HPSE: variants seen among roughly 807,000 people sequenced by gnomAD.
HPSE encodes the protein endo-glucoronidase.
In HPSE, 48 loss-of-function variants were observed where a neutral mutation model predicts 65.1. That is an observed-to-expected ratio of 0.74 (90% confidence interval 0.58 to 0.94). HPSE has a LOEUF of 0.94. HPSE is among the 40% of genes least tolerant of loss of function. The pLI is 0.00. For missense variants in HPSE, 644 were observed against 637.5 expected (o/e 1.01, Z -0.11); for synonymous variants, 243 against 260.0 (o/e 0.93, Z 0.63).
At chr4:83,329,328 T>C (rs900283833) in intron 1 of HPSE, among the ~76,000 whole-genome samples, 13 of 152,298 alleles carry the variant, frequency 8.5e-5, no homozygotes, top group South Asian at 6.2e-4. Flanking sequence ...GGCCACCCTG[T>C]AGATTCCAAA....
At position 83,302,241 on chromosome 4, in the gene HPSE, T is replaced by C. The variant is rs1188473095; in HGVS notation, c.1234A>G (p.Lys412Glu). ...PDYWLSLLFK[K>E]LVGTKVLMAS... is the part of the protein sequence containing the mutation. ...ATTAACACCTTGGTGCCCACCAATT[T>C]CTTGAACAGAAGAGATAGCCAATAA... The change falls in exon 10 of 12, where the codon AAA becomes GAA. Residue 412 changes from lysine to glutamate, a missense_variant. By Grantham distance (56) the Lys-to-Glu change is moderately conservative (BLOSUM62 1). Coordinates refer to ENST00000311412, the MANE Select transcript of HPSE (RefSeq NM_001098540.3). 1 of 1,613,628 alleles carries C rather than the reference T, an allele frequency of 6.2e-7. No individual in the cohort carries two copies. The highest frequency in any genetic ancestry group is 8.5e-7 in the Non-Finnish European group (1 of 1,179,698).
chr4:83,310,120 A>G, intron 5 of HPSE, 42 bp from the exon 6 acceptor site: 1 of 1,290,362 alleles, frequency 7.7e-7, no homozygotes, highest in Non-Finnish European at 1.1e-6. Context: ...TATAATACAT[A>G]TATATGCACA....
intron 3 of HPSE, among the ~76,000 whole-genome samples, chr4:83,318,318 T>C (rs528221624): frequency 1.1e-4 from 17 of 152,200 alleles, no homozygotes; most frequent in Admixed American, 2.0e-4. Context: ...GATAAAAATA[T>C]ATTTCATAGT....
chr4:83,302,399 G>T, intron 9 of HPSE, 131 bp from the exon 10 acceptor site: 1 of 602,290 alleles, frequency 1.7e-6, no homozygotes, highest in Non-Finnish European at 2.9e-6. Flanking sequence ...ATTTAAATAG[G>T]ATTCATCTTT....
intron 2 of HPSE, 26 bp downstream of exon 2, chr4:83,322,193 T>C (rs764509077): frequency 5.6e-6 from 9 of 1,596,316 alleles, no homozygotes; most frequent in South Asian, 5.5e-5. Context: ...AATTAAAATA[T>C]AGAGTGAATC....
intron 1 of HPSE, 31 bp downstream of exon 1, chr4:83,334,525 A>G (rs180871483): frequency 1.3e-6 from 2 of 1,549,180 alleles, no homozygotes; most frequent in African/African-American, 2.7e-5. Flanking sequence ...GAGGACAGGA[A>G]AGGGGACAGG....
At chr4:83,321,375 T>C (rs753352456) in intron 2 of HPSE, among the ~76,000 whole-genome samples, 6 of 152,236 alleles carry the variant, frequency 3.9e-5, no homozygotes, top group Non-Finnish European at 7.3e-5. Context: ...GGAAAAGATA[T>C]AATATATGAA....
chr4:83,305,854 C>T (rs879292118), intron 9 of HPSE, among the ~76,000 whole-genome samples: 26 of 152,060 alleles, frequency 1.7e-4, no homozygotes, highest in Admixed American at 1.4e-3. Context: ...TGAAGCTTTG[C>T]GTACTGTAGG....
intron 3 of HPSE, among the ~76,000 whole-genome samples, chr4:83,314,331 T>G (rs953907836): frequency 3.3e-5 from 5 of 151,978 alleles, no homozygotes; most frequent in African/African-American, 1.2e-4. Context: ...AAAAATTATT[T>G]ATCTGAAATT....
At chr4:83,321,763 C>T (rs984310880) in intron 2 of HPSE, among the ~76,000 whole-genome samples, 1 of 152,174 alleles carries the variant, frequency 6.6e-6, no homozygotes, top group African/African-American at 2.4e-5. Context: ...TTGCTAAAAT[C>T]AGAATCTAAC....
chr4:83,334,289 C>T (rs1440414943), intron 1 of HPSE, among the ~76,000 whole-genome samples: 1 of 152,124 alleles, frequency 6.6e-6, no homozygotes, highest in Non-Finnish European at 1.5e-5. Flanking sequence ...GCCCAGATGC[C>T]ACCACAATGC....
intron 2 of HPSE, 133 bp from the exon 3 acceptor site, chr4:83,319,602 G>T: frequency 1.1e-6 from 1 of 876,540 alleles, no homozygotes; most frequent in Non-Finnish European, 1.7e-6. Context: ...TAGGAGAGCA[G>T]AGAAAAGGTA....
intron 1 of HPSE, among the ~76,000 whole-genome samples, chr4:83,327,876 C>T (rs537960485): frequency 6.6e-6 from 1 of 152,294 alleles, no homozygotes; most frequent in South Asian, 2.1e-4. Flanking sequence ...CAGTTTCCAG[C>T]ACAGTACTGC....
intron 3 of HPSE, 26 bp from the exon 4 acceptor site, chr4:83,313,313 T>C (rs746242211): frequency 6.4e-7 from 1 of 1,564,344 alleles, no homozygotes; most frequent in Non-Finnish European, 8.7e-7. Context: ...CACAATTTAA[T>C]GGTTAGATTG....
chr4:83,305,664 T>A (rs1436206064), intron 9 of HPSE, among the ~76,000 whole-genome samples: 1 of 152,220 alleles, frequency 6.6e-6, no homozygotes, highest in Admixed American at 6.5e-5. Flanking sequence ...GGAAGAAACA[T>A]TTCCTGATTT....
At chr4:83,296,891 T>C (rs1318369596) in intron 11 of HPSE, among the ~76,000 whole-genome samples, 1 of 152,162 alleles carries the variant, frequency 6.6e-6, no homozygotes, top group Non-Finnish European at 1.5e-5. Context: ...TTTTGATGTA[T>C]ATTCATTCTT....
rs184550022 is a variant in HPSE, at chr4:83,328,683, G to A, written c.227+5873C>T. Among the ~76,000 whole-genome samples, 656 of 152,178 alleles carry A rather than the reference G, an allele frequency of 4.3e-3. 4 individuals carry two copies. Among genetic ancestry groups the A allele is most frequent in the African/African-American group, 0.015 (631 of 41,482 alleles). ...GGCAGAACAGGAAGAACAGGCTGCC[G>A]AGGGGAGGGAAGAAACGGGGTGGTT... On this transcript the variant is annotated intron_variant, in intron 1 of 11. Coordinates refer to ENST00000311412, the MANE Select transcript of HPSE (RefSeq NM_001098540.3).
chr4:83,293,811 C>A lies in HPSE; in HGVS notation c.*1533G>T, dbSNP rs1008509137. 3.3e-5 allele frequency: 5 copies of A among 152,098 alleles called. No homozygotes were observed. Among genetic ancestry groups the A allele is most frequent in the Admixed American group, 3.3e-4 (5 of 15,262 alleles). The allele number at this position is 152,098 out of a possible 1,614,324, so 9.4% of individuals were successfully genotyped here. On this transcript the variant is annotated 3_prime_UTR_variant, in exon 12 of 12. Coordinates refer to ENST00000311412, the MANE Select transcript of HPSE (RefSeq NM_001098540.3). ...CACATATTATTGCTGACAAAGAAAA[C>A]CGAAAGAAGAAAATCAGCAAAATCT...
At position 83,315,468 on chromosome 4, in the gene HPSE, C is replaced by T. The variant is rs146624132; in HGVS notation, c.500-2181G>A. 2.2e-3 allele frequency among the ~76,000 whole-genome samples: 334 copies of T among 152,268 alleles called. 1 individual carries two copies. The highest frequency in any genetic ancestry group is 7.8e-3 in the African/African-American group (323 of 41,552). On this transcript the variant is annotated intron_variant, in intron 3 of 11. Transcript: ENST00000311412. ...GATTCAAATAAGGTAAGTCTTTGCC[C>T]AATATCACGCAGCCGTTTGGTGGCA...
Sources: gnomAD v4.1 joint callset for allele counts (sites outside exome capture counted in the v4.1 genomes callset) on GRCh38, gnomAD v4.1.1 for gene constraint, MANE v1.5 for transcripts, NCBI Gene and HGNC (gene_info 2026-07-23, HGNC 2026-07-21) for gene names.